NELL1: variants seen among roughly 807,000 people sequenced by gnomAD.
NELL1 encodes neural EGFL like 1, also known as protein kinase C-binding protein NELL1.
NELL1 carries 76 observed loss-of-function variants against 107.4 expected under a neutral mutation model. That is an observed-to-expected ratio of 0.71 (90% confidence interval 0.59 to 0.86). NELL1 has a LOEUF of 0.86. Among genes scored for constraint, NELL1 ranks in the 40% least tolerant of loss-of-function variants. The probability of loss-of-function intolerance (pLI) is 0.00; values close to 1 mark genes in which losing one functional copy is unlikely to be tolerated. For synonymous variants in NELL1, 353 were observed against 341.2 expected (o/e 1.03, Z -0.38); for missense variants, 1,024 against 1,005.5 (o/e 1.02, Z -0.25).
chr11:21,060,428 G>T (rs760318990), intron 12 of NELL1, among the ~76,000 whole-genome samples: 29 of 152,146 alleles, frequency 1.9e-4, no homozygotes, highest in Non-Finnish European at 3.2e-4. Flanking sequence ...CTGTGAATAT[G>T]TGCCTTAGCT....
In NELL1 at chr11:20,864,059, C is replaced by T. The variant is rs910561215; in HGVS notation, c.506+16306C>T. 4.6e-5 allele frequency among the ~76,000 whole-genome samples: 7 copies of T among 152,274 alleles called. No individual in the cohort carries two copies. In the South Asian group the frequency reaches 1.0e-3, roughly 23 times the overall value. ...CTGCAGTGAGCCGAGATGGCAGCAGCACAGCCCAGCCTCGGCTGGGCATCA... is the reference window on the plus strand; with the variant it reads ...CTGCAGTGAGCCGAGATGGCAGCAGTACAGCCCAGCCTCGGCTGGGCATCA... On this transcript the variant is annotated intron_variant, in intron 4 of 19. Transcript: ENST00000357134.
At chr11:21,354,689 A>C (rs1331123443) in intron 14 of NELL1, among the ~76,000 whole-genome samples, 1 of 152,222 alleles carries the variant, frequency 6.6e-6, no homozygotes, top group African/African-American at 2.4e-5. Flanking sequence ...TGGAGATGGG[A>C]AACAAAGAAG....
rs1565066650 is a variant in NELL1 at position 21,113,611 on chromosome 11, G to C, written c.1323G>C (p.Lys441Asn). ...YCEDIDECAA[K>N]MHYCHANTVC... ...CAGATATTGATGAGTGTGCAGCTAA[G>C]ATGCATTACTGTCATGCCAATACTG... The change falls in exon 13 of 20, where the codon AAG (lysine) becomes AAC (asparagine). Residue 441 changes from lysine (K) to asparagine (N), a missense_variant. By Grantham distance (94) the Lys-to-Asn change is moderately conservative. Coordinates refer to ENST00000357134, the MANE Select transcript of NELL1 (RefSeq NM_006157.5). 6.2e-7 allele frequency: 1 copy of C among 1,611,898 alleles called. No individual in the cohort carries two copies.
chr11:20,696,156 T>C (rs533197738), intron 2 of NELL1, among the ~76,000 whole-genome samples: 12 of 152,238 alleles, frequency 7.9e-5, no homozygotes, highest in Admixed American at 7.9e-4. Flanking sequence ...TTGTGCTTTT[T>C]TGGATATTCT....
chr11:21,104,406 CA>C (rs1458300293), intron 12 of NELL1, among the ~76,000 whole-genome samples: 1 of 152,084 alleles, frequency 6.6e-6, no homozygotes, highest in Non-Finnish European at 1.5e-5. Context: ...CCCAGGGGCA[CA>C]AAAAGATATG....
intron 14 of NELL1, among the ~76,000 whole-genome samples, chr11:21,241,904 A>T (rs373182136): frequency 1.2e-3 from 161 of 134,052 alleles, no homozygotes; most frequent in Non-Finnish European, 1.5e-3. Flanking sequence ...GTCTGTTTCT[A>T]TTTTTTTTTT....
chr11:20,870,877 G>A (rs1158483917), intron 4 of NELL1, among the ~76,000 whole-genome samples: 1 of 152,176 alleles, frequency 6.6e-6, no homozygotes, highest in Non-Finnish European at 1.5e-5. Flanking sequence ...GATGATGATT[G>A]CTTTTTAAAA....
At chr11:20,700,358 A>C (rs1331871890) in intron 2 of NELL1, among the ~76,000 whole-genome samples, 2 of 152,172 alleles carry the variant, frequency 1.3e-5, no homozygotes, top group African/African-American at 2.4e-5. Context: ...ACGTGCCTGT[A>C]GTCCTAGCTA....
intron 15 of NELL1, among the ~76,000 whole-genome samples, chr11:21,378,784 C>G (rs186125753): frequency 6.9e-6 from 1 of 144,754 alleles, no homozygotes; most frequent in East Asian, 2.1e-4. Context: ...GTGATGTGAT[C>G]TTGGCTCACA....
At chr11:20,690,408 G>A (rs1478028295) in intron 2 of NELL1, among the ~76,000 whole-genome samples, 1 of 152,140 alleles carries the variant, frequency 6.6e-6, no homozygotes, top group Non-Finnish European at 1.5e-5. Flanking sequence ...GGGTTTTTAT[G>A]GTTTTAGGTC....
At chr11:20,956,509 G>A (rs1024095147) in intron 11 of NELL1, among the ~76,000 whole-genome samples, 1 of 152,054 alleles carries the variant, frequency 6.6e-6, no homozygotes, top group East Asian at 2.0e-4. Flanking sequence ...AGCCGGGCAT[G>A]GTGGCGGGCG....
At chr11:21,123,334 C>CAT (rs1396479749) in intron 13 of NELL1, among the ~76,000 whole-genome samples, 1 of 132,482 alleles carries the variant, frequency 7.5e-6, no homozygotes, top group Admixed American at 8.0e-5. Context: ...TGTGTGCCTG[C>CAT]GTGTGTGTGT....
chr11:21,170,274 T>C (rs1288759615), intron 13 of NELL1: 1 of 261,364 alleles, frequency 3.8e-6, no homozygotes, highest in Non-Finnish European at 7.2e-6. Context: ...TTGGACTGCA[T>C]ATTTTCTTTC....
At chr11:21,290,026 G>A (rs561082580) in intron 14 of NELL1, among the ~76,000 whole-genome samples, 5 of 152,184 alleles carry the variant, frequency 3.3e-5, no homozygotes, top group East Asian at 3.9e-4. Flanking sequence ...CATCTCCCTC[G>A]GACATAGCAC....
intron 3 of NELL1, among the ~76,000 whole-genome samples, chr11:20,797,454 T>C (rs1381420377): frequency 1.3e-5 from 2 of 150,078 alleles, no homozygotes; most frequent in Non-Finnish European, 3.0e-5. Context: ...TAGTCCCAGC[T>C]ACTTCGGAGG....
intron 15 of NELL1, among the ~76,000 whole-genome samples, chr11:21,391,938 G>T (rs2133784381): frequency 6.6e-6 from 1 of 151,890 alleles, no homozygotes; most frequent in East Asian, 2.0e-4. Flanking sequence ...TCATTCTTTT[G>T]AACCATTCAG....
chr11:21,284,784 A>G (rs1849079305), intron 14 of NELL1: 1 of 342,668 alleles, frequency 2.9e-6, no homozygotes, highest in South Asian at 2.3e-5. Context: ...GGCAATTTGT[A>G]TCATGCTGGA....
intron 15 of NELL1, among the ~76,000 whole-genome samples, chr11:21,492,889 G>A (rs1590975899): frequency 6.6e-6 from 1 of 151,866 alleles, no homozygotes; most frequent in East Asian, 1.9e-4. Context: ...AAAACTTAAA[G>A]TATAATAATA....
Position 20,984,986 on chromosome 11 carries a change from A to G in NELL1, c.1300+24426A>G, listed in dbSNP as rs550789290. ...TTTCCTCTCAGTTACATTGATTCCCAAAATGTTTCAGGTTGATTGGGTCAA... is the reference window on the plus strand; with the variant it reads ...TTTCCTCTCAGTTACATTGATTCCCGAAATGTTTCAGGTTGATTGGGTCAA... On this transcript the variant is annotated intron_variant, in intron 12 of 19. Transcript: ENST00000357134. Among the ~76,000 whole-genome samples, 3 of 152,322 alleles carry G rather than the reference A, an allele frequency of 2.0e-5. 1 individual carries two copies. Among genetic ancestry groups the G allele is most frequent in the Admixed American group, 6.5e-5 (1 of 15,306 alleles).
Sources: allele counts gnomAD v4.1 joint callset (sites outside exome capture counted in the v4.1 genomes callset), GRCh38; gene constraint gnomAD v4.1.1; transcripts MANE v1.5; gene names NCBI Gene and HGNC (gene_info 2026-07-23, HGNC 2026-07-21).